The following RNF10 variants were observed in gnomAD, a reference collection of about 807,000 sequenced individuals.
RNF10 encodes the protein E3 ubiquitin-protein ligase RNF10.
A neutral mutation model predicts 91.4 loss-of-function variants in RNF10; 38 were observed. The ratio of observed to expected loss-of-function variants is 0.42; its 90% CI spans 0.32 to 0.54. The LOEUF is 0.54. RNF10 is among the 20% of genes least tolerant of loss of function. The pLI is 0.16. For missense variants in RNF10, 945 were observed against 1,012.0 expected (o/e 0.93, Z 0.90); for synonymous variants, 364 against 366.3 (o/e 0.99, Z 0.07).
chr12:120,554,916 C>T, intron 4 of RNF10, 108 bp downstream of exon 4: 2 of 854,718 alleles, frequency 2.3e-6, no homozygotes, highest in East Asian at 2.5e-5. Context: ...CCCTTTTCTG[C>T]CTGGCCTTTC....
chr12:120,571,067 C>CT (rs1243524864), intron 13 of RNF10, 124 bp from the exon 14 acceptor site: 48,339 of 500,000 alleles, frequency 0.097, 21 homozygotes, highest in East Asian at 0.11. Context: ...TCAATGTTTG[C>CT]TTTTTTTTTT....
intron 3 of RNF10, among the ~76,000 whole-genome samples, chr12:120,553,115 G>A (rs554458953): frequency 2.9e-4 from 31 of 107,070 alleles, no homozygotes; most frequent in Non-Finnish European, 5.0e-4. Flanking sequence ...ATGTAGTCTC[G>A]CTCTGCCACC....
At chr12:120,535,232 A>G (rs1025674315) in intron 1 of RNF10, among the ~76,000 whole-genome samples, 2 of 152,232 alleles carry the variant, frequency 1.3e-5, no homozygotes, top group African/African-American at 2.4e-5. Context: ...GAGAAAGGGT[A>G]AGGTCACCCA....
At chr12:120,576,540 G>T in intron 16 of RNF10, 50 bp from the exon 17 acceptor site, 1 of 1,596,972 alleles carries the variant, frequency 6.3e-7, no homozygotes, top group Non-Finnish European at 8.5e-7. Context: ...CTGGCCAGGG[G>T]ACAAGGGATG....
chr12:120,576,427 A>G (rs1286564391), intron 16 of RNF10, among the ~76,000 whole-genome samples, 163 bp from the exon 17 acceptor site: 1 of 152,220 alleles, frequency 6.6e-6, no homozygotes, highest in East Asian at 1.9e-4. Flanking sequence ...ATTTGCCCAA[A>G]GACACCCACT....
chr12:120,550,476 C>G (rs906710303), intron 2 of RNF10, among the ~76,000 whole-genome samples: 90 of 151,964 alleles, frequency 5.9e-4, no homozygotes, highest in African/African-American at 1.8e-3. Context: ...GGTGGAAGAC[C>G]GTTTGATTAA....
At position 120,552,696 on chromosome 12, in the gene RNF10, C is replaced by G. The variant is rs774744514; in HGVS notation, c.552C>G (p.Ala184=). 6.2e-7 allele frequency: 1 copy of G among 1,613,482 alleles called. No individual in the cohort carries two copies. Among genetic ancestry groups the G allele is most frequent in the Non-Finnish European group, 8.5e-7 (1 of 1,179,762 alleles). ...TTAACAAGGAACTCTTTTTACAGGC[C>G]AAGTGAGTATTGCTACCCCTCAGAG... ...KPFNKELFLQ[A]NCQFVVSEDQ... The change falls in exon 3 of 17, where the codon GCC becomes GCG. Residue 184 remains alanine, a splice_region_variant and synonymous_variant. Coordinates refer to ENST00000325954, the MANE Select transcript of RNF10 (RefSeq NM_014868.5).
rs572702575 is a variant in RNF10, at chr12:120,548,504, C to T, written c.354+1903C>T. Among the ~76,000 whole-genome samples, 315 of 151,954 alleles carry T rather than the reference C, an allele frequency of 2.1e-3. 1 individual carries two copies. The highest frequency in any genetic ancestry group is 7.1e-3 in the African/African-American group (296 of 41,444). On this transcript the variant is annotated intron_variant, in intron 2 of 16. Transcript: ENST00000325954. ...AGAATAGGACTGAAAGTTGACCATTCGATTTGAAAATGGCATGTAGATTGG... is the reference window on the plus strand; with the variant it reads ...AGAATAGGACTGAAAGTTGACCATTTGATTTGAAAATGGCATGTAGATTGG...
chr12:120,535,233 A>G (rs1179758976), intron 1 of RNF10, among the ~76,000 whole-genome samples: 1 of 152,252 alleles, frequency 6.6e-6, no homozygotes, highest in Non-Finnish European at 1.5e-5. Flanking sequence ...AGAAAGGGTA[A>G]GGTCACCCAG....
Position 120,534,795 on chromosome 12 carries a change from C to T in RNF10, c.-17C>T, listed in dbSNP as rs1452407558. 1.4e-5 allele frequency: 22 copies of T among 1,553,880 alleles called. No individual in the cohort carries two copies. In the South Asian group the frequency reaches 1.8e-4, roughly 12 times the overall value. On this transcript the variant is annotated 5_prime_UTR_variant, in exon 1 of 17. Coordinates refer to ENST00000325954, the MANE Select transcript of RNF10 (RefSeq NM_014868.5). The stretch of plus-strand genomic sequence containing the variant: ...CCCGCTCCGCTCCGACTGCCGTCGC[C>T]GCCGAGGCCCCCGTTGATGCCGCTG...
intron 1 of RNF10, among the ~76,000 whole-genome samples, chr12:120,535,237 C>T (rs1437406970): frequency 2.0e-5 from 3 of 152,206 alleles, no homozygotes; most frequent in African/African-American, 7.2e-5. Flanking sequence ...AGGGTAAGGT[C>T]ACCCAGCTAG....
At chr12:120,544,328 A>G (rs927297422) in intron 1 of RNF10, among the ~76,000 whole-genome samples, 1 of 144,886 alleles carries the variant, frequency 6.9e-6, no homozygotes, top group Non-Finnish European at 1.5e-5. Flanking sequence ...GAAACCAATC[A>G]GGGTAACAAA....
rs546138239 is a variant in RNF10, at chr12:120,569,985, C to T, written c.2042-1206C>T. On this transcript the variant is annotated intron_variant, in intron 13 of 16. Transcript: ENST00000325954. Reference sequence around the variant, plus strand: ...TTGGCTCACTGCAACTTCCCCCTCGCGGGTTCAAGCGATTCTCCTGCCCCA... The same window carrying T: ...TTGGCTCACTGCAACTTCCCCCTCGTGGGTTCAAGCGATTCTCCTGCCCCA... 4.1e-3 allele frequency among the ~76,000 whole-genome samples: 627 copies of T among 152,190 alleles called. 8 individuals carry two copies. The highest frequency in any genetic ancestry group is 0.014 in the African/African-American group (579 of 41,550).
At chr12:120,551,290 GT>G (rs63002361) in intron 2 of RNF10, among the ~76,000 whole-genome samples, 352 of 83,190 alleles carry the variant, frequency 4.2e-3, no homozygotes, top group Non-Finnish European at 6.2e-3. Flanking sequence ...CCATCCTAGT[GT>G]TTTTTTTTTT....
rs763224205 is a variant in RNF10 at position 120,565,067 on chromosome 12, T to C, written c.1666-5T>C. 11 of 1,603,698 alleles carry C rather than the reference T, an allele frequency of 6.9e-6. No homozygotes were observed. The highest frequency in any genetic ancestry group is 1.1e-5 in the South Asian group (1 of 90,842). On this transcript the variant is annotated splice_region_variant and splice_polypyrimidine_tract_variant and intron_variant, in intron 10 of 16. Transcript: ENST00000325954. Reference sequence around the variant, plus strand: ...TGTTGAGTATTGGTCCTTTTTCCAATGTAGGATGTTCGACAGCGTCACAGA... The same window carrying C: ...TGTTGAGTATTGGTCCTTTTTCCAACGTAGGATGTTCGACAGCGTCACAGA...
At chr12:120,548,660 CTTTTTTT>C (rs5801391) in intron 2 of RNF10, among the ~76,000 whole-genome samples, 1 of 133,366 alleles carries the variant, frequency 7.5e-6, no homozygotes, top group African/African-American at 2.7e-5. Flanking sequence ...TTTTTTCTTT[CTTTTTTT>C]TTTTTTTTTG....
intron 4 of RNF10, 47 bp downstream of exon 4, chr12:120,554,855 TAAAG>T (rs1180965756): frequency 1.4e-6 from 2 of 1,438,418 alleles, no homozygotes; most frequent in East Asian, 4.5e-5. Context: ...GAGCACTAAA[TAAAG>T]GCACTGTGGT....
chr12:120,535,440 C>T (rs1762813027), intron 1 of RNF10: 1 of 152,450 alleles, frequency 6.6e-6, no homozygotes, highest in Non-Finnish European at 1.5e-5. Context: ...CAGATCCATT[C>T]CTCTGTCGAA....
At chr12:120,570,563 AG>A (rs769094816) in intron 13 of RNF10, among the ~76,000 whole-genome samples, 11 of 152,192 alleles carry the variant, frequency 7.2e-5, no homozygotes, top group East Asian at 1.9e-4. Context: ...TGACCATGTG[AG>A]GGCCTGCTGC....
Sources: allele counts gnomAD v4.1 joint callset (sites outside exome capture counted in the v4.1 genomes callset), GRCh38; gene constraint gnomAD v4.1.1; transcripts MANE v1.5; gene names NCBI Gene and HGNC (gene_info 2026-07-23, HGNC 2026-07-21).